Variants in PCDH11X observed in about 807,000 individuals in gnomAD.
PCDH11X encodes the protein protocadherin 11 X-linked.
PCDH11X carries 18 observed loss-of-function variants against 53.3 expected under a neutral mutation model. The observed-to-expected ratio is 0.34, with a 90% CI of 0.23 to 0.50. The LOEUF is 0.50. Among genes scored for constraint, PCDH11X ranks in the 20% least tolerant of loss-of-function variants. The pLI is 0.98. For synonymous variants in PCDH11X, 279 were observed against 393.3 expected, an observed-to-expected ratio of 0.71 and a Z score of 3.44; for missense variants, 570 against 1,032.4, an observed-to-expected ratio of 0.55 and a Z score of 6.14.
chrX:92,572,126 TG>T (rs1200877519), intron 10 of PCDH11X, among the ~76,000 whole-genome samples: 1 of 112,369 alleles, frequency 8.9e-6, no homozygotes, highest in Non-Finnish European at 1.9e-5. Flanking sequence ...TTAATTGTAA[TG>T]TAGATTACAG....
intron 8 of PCDH11X, among the ~76,000 whole-genome samples, chrX:92,270,404 G>A (rs969744896): frequency 7.1e-5 from 8 of 111,941 alleles, no homozygotes; most frequent in Non-Finnish European, 1.1e-4. Flanking sequence ...GATTACAGGC[G>A]TGAGCCAACT....
intron 6 of PCDH11X, among the ~76,000 whole-genome samples, chrX:91,979,123 C>T (rs951956438): frequency 9.0e-6 from 1 of 110,710 alleles, no homozygotes; most frequent in Non-Finnish European, 1.9e-5. Flanking sequence ...CTAATGACAT[C>T]ATGTTAATAT....
chrX:92,231,516 G>A (rs950307426), intron 7 of PCDH11X, among the ~76,000 whole-genome samples: 5 of 111,426 alleles, frequency 4.5e-5, no homozygotes, highest in Non-Finnish European at 7.5e-5. Context: ...GATGAGCTGG[G>A]GAAATTCCAT....
chrX:92,299,021 TG>T (rs975827078), intron 8 of PCDH11X, among the ~76,000 whole-genome samples: 1 of 111,516 alleles, frequency 9.0e-6, no homozygotes, highest in African/African-American at 3.3e-5. Flanking sequence ...TTAACTTAGA[TG>T]GGTCTAGCTG....
Position 91,907,401 on chromosome X carries a change from A to ACACACACC in PCDH11X, c.3033+28135_3033+28136insCCACACAC, listed in dbSNP as rs1556332876. On this transcript the variant is annotated intron_variant, in intron 6 of 10. Transcript: ENST00000682573. ...CACACACACACACACACACACACAC[A>ACACACACC]CACACACACACAGAGAGAGAGAGAG... 2.4e-4 allele frequency among the ~76,000 whole-genome samples: 14 copies of ACACACACC among 57,210 alleles called. 1 individual carries two copies. The highest frequency in any genetic ancestry group is 1.1e-3 in the Admixed American group (3 of 2,771). 49.7% of individuals were successfully genotyped at this position (57,210 alleles called of 115,157 possible).
At chrX:92,312,703 A>G (rs2068977065) in intron 8 of PCDH11X, among the ~76,000 whole-genome samples, 1 of 111,871 alleles carries the variant, frequency 8.9e-6, no homozygotes, top group African/African-American at 3.2e-5. Flanking sequence ...GCCACAAATC[A>G]TTTTTACAGT....
At chrX:92,362,159 A>T (rs1254961244) in intron 8 of PCDH11X, among the ~76,000 whole-genome samples, 1 of 109,506 alleles carries the variant, frequency 9.1e-6, no homozygotes, top group Non-Finnish European at 1.9e-5. Context: ...ATCTAGACAT[A>T]GAATTTCTGG....
chrX:92,275,082 A>C (rs1440749281), intron 8 of PCDH11X, among the ~76,000 whole-genome samples: 3 of 101,337 alleles, frequency 3.0e-5, no homozygotes, highest in African/African-American at 7.1e-5. Flanking sequence ...GTTATGAGAA[A>C]TGTAGAGAGT....
chrX:92,134,769 G>C (rs1170015166), intron 6 of PCDH11X, among the ~76,000 whole-genome samples: 5 of 111,564 alleles, frequency 4.5e-5, no homozygotes, highest in East Asian at 5.6e-4. Context: ...CCACGTATTT[G>C]TTAACTGTCA....
intron 10 of PCDH11X, among the ~76,000 whole-genome samples, chrX:92,570,008 T>A (rs1922003703): frequency 3.1e-5 from 2 of 63,890 alleles, no homozygotes; most frequent in East Asian, 4.6e-4. Context: ...AGAGTGAGAC[T>A]CAGTCTCAAA....
At chrX:91,941,830 A>G (rs1190983650) in intron 6 of PCDH11X, among the ~76,000 whole-genome samples, 1 of 111,530 alleles carries the variant, frequency 9.0e-6, no homozygotes, top group East Asian at 2.8e-4. Context: ...TAAATTTAAA[A>G]GAATTCATGT....
chrX:92,508,848 A>G (rs1277084788), intron 10 of PCDH11X, among the ~76,000 whole-genome samples: 2 of 108,814 alleles, frequency 1.8e-5, no homozygotes, highest in African/African-American at 6.6e-5. Flanking sequence ...TCCTGCCTCA[A>G]TGGATTATTT....
intron 10 of PCDH11X, among the ~76,000 whole-genome samples, chrX:92,554,339 T>G (rs1181114428): frequency 9.9e-6 from 1 of 100,964 alleles, no homozygotes; most frequent in Non-Finnish European, 2.0e-5. Context: ...TTGCATTATT[T>G]ACAGCTAAAC....
intron 8 of PCDH11X, among the ~76,000 whole-genome samples, chrX:92,324,366 C>G (rs1186972546): frequency 3.6e-5 from 4 of 111,292 alleles, no homozygotes; most frequent in Non-Finnish European, 7.5e-5. Context: ...ACTTATAAAT[C>G]AATTTGGCAA....
At chrX:91,817,541 A>G (rs1156666181) in intron 4 of PCDH11X, among the ~76,000 whole-genome samples, 1 of 111,477 alleles carries the variant, frequency 9.0e-6, no homozygotes, top group African/African-American at 3.3e-5. Context: ...GTCCAACAGA[A>G]CTTTCTGTCG....
rs767698247 is a variant in PCDH11X, at chrX:91,877,688, T to A, written c.1448T>A (p.Ile483Asn). The A allele has an allele frequency of 1.7e-6, 2 of 1,209,302 alleles. No homozygotes were observed. The highest frequency in any genetic ancestry group is 1.8e-5 in the African/African-American group (1 of 56,955). The change falls in exon 6 of 11, where the codon ATC (isoleucine) becomes AAC (asparagine). Residue 483 changes from isoleucine to asparagine, a missense_variant. This residue lies in a region of PCDH11X where 226 missense variants were observed against 457.5 expected (regional missense o/e 0.49). Coordinates refer to ENST00000682573, the MANE Select transcript of PCDH11X (RefSeq NM_032968.5). ...VSIPENNSPGIQLTKVSAMDA... is the reference protein window; with the variant it reads ...VSIPENNSPGNQLTKVSAMDA... The stretch of plus-strand genomic sequence containing the variant: ...ATTCCTGAGAATAACTCTCCTGGCA[T>A]CCAGTTGACGAAAGTAAGTGCAATG...
In PCDH11X at chrX:92,020,348, T is replaced by G. The variant is rs1183324949; in HGVS notation, c.3033+141075T>G. 2.7e-5 allele frequency among the ~76,000 whole-genome samples: 3 copies of G among 112,030 alleles called. No homozygotes were observed. The Admixed American group carries it at 2.8e-4, about 11-fold the overall frequency. ...CTCTATAGCTCCAGGTCATGCTTTTTCCCTGCTGGAGCCAGGGAGGCTGGA... is the reference window on the plus strand; with the variant it reads ...CTCTATAGCTCCAGGTCATGCTTTTGCCCTGCTGGAGCCAGGGAGGCTGGA... On this transcript the variant is annotated intron_variant, in intron 6 of 10. Coordinates refer to ENST00000682573, the MANE Select transcript of PCDH11X (RefSeq NM_032968.5).
intron 8 of PCDH11X, among the ~76,000 whole-genome samples, chrX:92,312,852 CCAG>C (rs1219180811): frequency 9.0e-6 from 1 of 111,088 alleles, no homozygotes. Flanking sequence ...GAAGAATTAA[CCAG>C]GATACACGGA....
At chrX:92,389,626 A>G (rs2071082383) in intron 9 of PCDH11X, among the ~76,000 whole-genome samples, 1 of 111,367 alleles carries the variant, frequency 9.0e-6, no homozygotes. Context: ...CAAATGGAAT[A>G]CTGTTGATAA....
Sources: gnomAD v4.1 joint callset for allele counts (sites outside exome capture counted in the v4.1 genomes callset) on GRCh38, gnomAD v4.1.1 for gene constraint, gnomAD v4.1.1 regional missense constraint, MANE v1.5 for transcripts, NCBI Gene and HGNC (gene_info 2026-07-23, HGNC 2026-07-21) for gene names.